Variants in PTPRD observed in about 807,000 individuals in gnomAD.
PTPRD encodes protein tyrosine phosphatase receptor type D.
In PTPRD, 34 loss-of-function variants were observed where a neutral mutation model predicts 214.5. The observed-to-expected ratio is 0.16, with a 90% CI of 0.12 to 0.21. The LOEUF (loss-of-function observed/expected upper bound fraction) is 0.21, where lower values mean the gene tolerates loss of function less well. PTPRD is among the 10% of genes least tolerant of loss of function. The pLI is 1.00. For missense variants in PTPRD, 2,545 were observed against 2,398.7 expected, an observed-to-expected ratio of 1.06 and a Z score of -1.27; for synonymous variants, 1,128 against 845.7, an observed-to-expected ratio of 1.33 and a Z score of -5.79.
intron 7 of PTPRD, among the ~76,000 whole-genome samples, chr9:9,616,760 A>G (rs1388428825): frequency 6.6e-6 from 1 of 152,136 alleles, no homozygotes; most frequent in Non-Finnish European, 1.5e-5. Context: ...AAATAACCAT[A>G]AAAGTAGCCA....
intron 10 of PTPRD, among the ~76,000 whole-genome samples, chr9:9,127,048 C>T (rs1383747547): frequency 1.3e-5 from 2 of 150,540 alleles, no homozygotes; most frequent in African/African-American, 4.9e-5. Flanking sequence ...TACACATGCA[C>T]AAGGAACAAA....
intron 3 of PTPRD, among the ~76,000 whole-genome samples, chr9:10,328,970 T>C (rs2096699714): frequency 6.6e-6 from 1 of 151,740 alleles, no homozygotes; most frequent in South Asian, 2.1e-4. Context: ...AAATATATAC[T>C]GTATCAGCTC....
At chr9:10,146,981 T>A (rs2099027265) in intron 3 of PTPRD, among the ~76,000 whole-genome samples, 1 of 151,268 alleles carries the variant, frequency 6.6e-6, no homozygotes, top group South Asian at 2.2e-4. Flanking sequence ...AGGTGGCGAC[T>A]TCAAGTCTGA....
intron 9 of PTPRD, among the ~76,000 whole-genome samples, chr9:9,392,117 A>C (rs549624232): frequency 6.6e-6 from 1 of 152,294 alleles, no homozygotes; most frequent in South Asian, 2.1e-4. Context: ...GCAGTGAGGC[A>C]AAACTCGTTA....
chr9:9,374,320 T>C (rs915405619), intron 9 of PTPRD, among the ~76,000 whole-genome samples: 1 of 152,084 alleles, frequency 6.6e-6, no homozygotes, highest in Non-Finnish European at 1.5e-5. Context: ...AATATAGTTA[T>C]ATGTAATTTC....
At chr9:10,603,855 A>G (rs2078593442) in intron 2 of PTPRD, among the ~76,000 whole-genome samples, 3 of 151,928 alleles carry the variant, frequency 2.0e-5, no homozygotes, top group Admixed American at 1.3e-4. Flanking sequence ...GTGTAATTAC[A>G]TACTTCTTTT....
intron 21 of PTPRD, among the ~76,000 whole-genome samples, chr9:8,512,552 C>T (rs538978535): frequency 2.0e-5 from 3 of 152,058 alleles, no homozygotes; most frequent in African/African-American, 2.4e-5. Flanking sequence ...GACTTTGTCT[C>T]TCAATGTCAT....
chr9:10,588,819 C>G (rs981684700), intron 2 of PTPRD, among the ~76,000 whole-genome samples: 1 of 151,928 alleles, frequency 6.6e-6, no homozygotes, highest in Non-Finnish European at 1.5e-5. Flanking sequence ...AAATTGTATA[C>G]CCTACTTCAA....
At chr9:8,559,882 T>A (rs1206105437) in intron 14 of PTPRD, among the ~76,000 whole-genome samples, 1 of 152,248 alleles carries the variant, frequency 6.6e-6, no homozygotes, top group South Asian at 2.1e-4. Context: ...AAGGTGTTTC[T>A]CTCTACCTAG....
intron 2 of PTPRD, among the ~76,000 whole-genome samples, chr9:10,480,661 T>A (rs2099092228): frequency 6.6e-6 from 1 of 151,866 alleles, no homozygotes; most frequent in South Asian, 2.1e-4. Flanking sequence ...ATAAAAACAA[T>A]TTTACAGATT....
chr9:9,601,049 C>G (rs928017093), intron 7 of PTPRD, among the ~76,000 whole-genome samples: 1 of 143,690 alleles, frequency 7.0e-6, no homozygotes, highest in Non-Finnish European at 1.5e-5. Context: ...AACTAATTGA[C>G]GAAACAAAGA....
intron 2 of PTPRD, among the ~76,000 whole-genome samples, chr9:10,408,739 C>T (rs1172020923): frequency 6.6e-6 from 1 of 151,614 alleles, no homozygotes; most frequent in African/African-American, 2.4e-5. Context: ...TCCTTGACTC[C>T]CTCACTTGGG....
At chr9:8,951,331 T>C (rs12683334) in intron 11 of PTPRD, among the ~76,000 whole-genome samples, 1 of 149,400 alleles carries the variant, frequency 6.7e-6, no homozygotes, top group African/African-American at 2.5e-5. Flanking sequence ...TTTTTTTTTT[T>C]TTTTTTTCAG....
chr9:10,168,143 T>C (rs978594503), intron 3 of PTPRD, among the ~76,000 whole-genome samples: 1 of 152,212 alleles, frequency 6.6e-6, no homozygotes, highest in Non-Finnish European at 1.5e-5. Flanking sequence ...TTTTCTAAAA[T>C]ATTATTACAA....
At chr9:9,416,038 C>T (rs1328799295) in intron 8 of PTPRD, among the ~76,000 whole-genome samples, 7 of 152,140 alleles carry the variant, frequency 4.6e-5, no homozygotes, top group South Asian at 2.1e-4. Context: ...GGTGCATTCT[C>T]GTCTCCTGCT....
intron 9 of PTPRD, among the ~76,000 whole-genome samples, chr9:9,397,098 C>A (rs1034681368): frequency 6.6e-6 from 1 of 151,932 alleles, no homozygotes; most frequent in Non-Finnish European, 1.5e-5. Flanking sequence ...GTGTCAGTAT[C>A]CACTGGGTAT....
intron 11 of PTPRD, among the ~76,000 whole-genome samples, chr9:8,741,225 C>T (rs2154445449): frequency 6.6e-6 from 1 of 152,212 alleles, no homozygotes; most frequent in South Asian, 2.1e-4. Flanking sequence ...AAAAAAACCT[C>T]ATCTCCCTTT....
chr9:10,360,509 G>C (rs1033926233), intron 2 of PTPRD, among the ~76,000 whole-genome samples: 2 of 152,162 alleles, frequency 1.3e-5, no homozygotes, highest in South Asian at 2.1e-4. Flanking sequence ...ACTTTGCAAA[G>C]GCAAAGTATT....
chr9:9,187,638 C>T (rs937179896), intron 9 of PTPRD, among the ~76,000 whole-genome samples: 3 of 151,872 alleles, frequency 2.0e-5, no homozygotes, highest in Non-Finnish European at 2.9e-5. Context: ...CTAATGTCAT[C>T]CCTTATAGGT....
Sources: allele counts gnomAD v4.1 joint callset (sites outside exome capture counted in the v4.1 genomes callset), GRCh38; gene constraint gnomAD v4.1.1; transcripts MANE v1.5; gene names NCBI Gene and HGNC (gene_info 2026-07-23, HGNC 2026-07-21).